The following CDR2 variants were observed in gnomAD, a reference collection of about 807,000 sequenced individuals.
CDR2 encodes the protein cerebellar degeneration related protein 2.
In CDR2, 34 loss-of-function variants were observed where a neutral mutation model predicts 48.4. The observed-to-expected ratio is 0.70, with a 90% confidence interval of 0.53 to 0.94. CDR2 has a LOEUF of 0.94. Ranked by LOEUF, CDR2 falls within the 40% of genes least tolerant of loss-of-function variation. The pLI is 0.00. For missense variants in CDR2, 498 were observed against 549.5 expected (o/e 0.91, Z 0.94); for synonymous variants, 240 against 219.7 (o/e 1.09, Z -0.82).
Position 22,346,079 on chromosome 16 carries a change from T to C in CDR2, c.*886A>G, listed in dbSNP as rs1336578922. On this transcript the variant is annotated 3_prime_UTR_variant, in exon 5 of 5. Transcript: ENST00000268383. ...GATCAATACTGCTTAATAAAGTAGA[T>C]AGGAATTTCTGCAACAAGTCAAAAC... is the stretch of plus-strand genomic sequence containing the variant. The C allele has an allele frequency of 2.0e-5, 3 of 152,588 alleles. No individual in the cohort carries two copies. Among genetic ancestry groups the C allele is most frequent in the Admixed American group, 6.5e-5 (1 of 15,282 alleles). The allele number at this position is 152,588 out of a possible 1,614,324, so 9.5% of individuals were successfully genotyped here. A position where few individuals can be genotyped will look rare whatever the true frequency, so the allele number is the denominator to read the frequency against.
rs747406634 is a variant in CDR2, at chr16:22,347,799, G to A, written c.531C>T (p.Phe177=). 13 of 1,613,184 alleles carry A rather than the reference G, an allele frequency of 8.1e-6. No individual in the cohort carries two copies. The East Asian group carries it at 8.9e-5, about 11-fold the overall frequency. The change falls in exon 5 of 5, where the codon TTC becomes TTT. Residue 177 remains phenylalanine, a synonymous_variant. Transcript: ENST00000268383. Reference sequence around the variant, plus strand: ...CTTGCAAGGAAGTGATCTTCTCAGCGAACACATGATCATACACGAAGTGTC... The same window carrying A: ...CTTGCAAGGAAGTGATCTTCTCAGCAAACACATGATCATACACGAAGTGTC... ...LRQHFVYDHV[F]AEKITSLQGQ... is the part of the protein sequence containing the mutation.
chr16:22,368,724 A>G (rs1223511989), intron 1 of CDR2: 2 of 152,240 alleles, frequency 1.3e-5, no homozygotes, highest in African/African-American at 4.8e-5. Flanking sequence ...TTTTAAGGCA[A>G]TTGAAAGAGA....
chr16:22,357,293 C>T (rs1053951379), intron 2 of CDR2, among the ~76,000 whole-genome samples: 3 of 152,174 alleles, frequency 2.0e-5, no homozygotes, highest in African/African-American at 4.8e-5. Context: ...AGGAGATCCA[C>T]CTGACTCGGC....
intron 1 of CDR2, among the ~76,000 whole-genome samples, chr16:22,371,382 T>A (rs2049074659): frequency 6.6e-6 from 1 of 152,178 alleles, no homozygotes; most frequent in Non-Finnish European, 1.5e-5. Flanking sequence ...AGCAAGTGTC[T>A]ACTGAGGGCC....
chr16:22,362,954 CTTT>C (rs1278079544), intron 2 of CDR2, among the ~76,000 whole-genome samples: 6 of 137,760 alleles, frequency 4.4e-5, no homozygotes, highest in Admixed American at 1.5e-4. Flanking sequence ...TACAGTAGGT[CTTT>C]TTTTTTTTTT....
chr16:22,371,846 A>ATATG (rs1462437266), intron 1 of CDR2, among the ~76,000 whole-genome samples: 1 of 78,770 alleles, frequency 1.3e-5, no homozygotes, highest in Non-Finnish European at 2.5e-5. Context: ...AGAGGTTCAG[A>ATATG]TATGTGTGTG....
chr16:22,372,564 G>A (rs1031368980), intron 1 of CDR2, among the ~76,000 whole-genome samples: 4 of 152,326 alleles, frequency 2.6e-5, no homozygotes, highest in Non-Finnish European at 2.9e-5. Context: ...AAATTATAGG[G>A]AAGTACTGCA....
intron 2 of CDR2, among the ~76,000 whole-genome samples, chr16:22,357,743 G>A (rs1854337909): frequency 6.6e-6 from 1 of 152,122 alleles, no homozygotes. Context: ...TTAGAGTTGT[G>A]GCCAACATAC....
chr16:22,350,240 C>A (rs759119337), intron 2 of CDR2, among the ~76,000 whole-genome samples: 1 of 152,114 alleles, frequency 6.6e-6, no homozygotes, highest in East Asian at 1.9e-4. Flanking sequence ...ACCAATTCTC[C>A]GATTGTCAGC....
intron 2 of CDR2, among the ~76,000 whole-genome samples, chr16:22,359,369 C>T (rs1205176200): frequency 6.6e-6 from 1 of 152,124 alleles, no homozygotes; most frequent in Non-Finnish European, 1.5e-5. Flanking sequence ...TCGTGATCTA[C>T]CTGCCTCAGC....
At chr16:22,354,583 G>T (rs2048961151) in intron 2 of CDR2, among the ~76,000 whole-genome samples, 1 of 152,110 alleles carries the variant, frequency 6.6e-6, no homozygotes, top group African/African-American at 2.4e-5. Flanking sequence ...CTTATCCACT[G>T]CATTTTAAAA....
rs768105551 is a variant in CDR2 at position 22,364,848 on chromosome 16, T to C, written c.192+54A>G. 4 of 1,027,534 alleles carry C rather than the reference T, an allele frequency of 3.9e-6. No homozygotes were observed. In the South Asian group the frequency reaches 4.0e-5, roughly 10 times the overall value. The allele number at this position is 1,027,534 out of a possible 1,614,324, so 63.7% of individuals were successfully genotyped here. ...CTTTTTTACCAGTATGTGATTGGCATAACAGCAACACATCGAAGTGTCAAA... is the reference window on the plus strand; with the variant it reads ...CTTTTTTACCAGTATGTGATTGGCACAACAGCAACACATCGAAGTGTCAAA... On this transcript the variant is annotated intron_variant, in intron 2 of 4. Transcript: ENST00000268383.
intron 2 of CDR2, among the ~76,000 whole-genome samples, chr16:22,364,052 CCT>C (rs1208051487): frequency 5.9e-5 from 9 of 152,140 alleles, no homozygotes; most frequent in Admixed American, 3.9e-4. Flanking sequence ...GATTCTTCCA[CCT>C]CTGTCTCCCA....
intron 1 of CDR2, 54 bp from the exon 2 acceptor site, chr16:22,365,068 T>C (rs2049036559): frequency 8.8e-7 from 1 of 1,141,994 alleles, no homozygotes; most frequent in East Asian, 2.3e-5. Context: ...ATCAACAATT[T>C]ATATAACCCA....
chr16:22,374,128 A>ACCTGCATCCTCCGCCG, intron 1 of CDR2, 103 bp downstream of exon 1: 2 of 721,328 alleles, frequency 2.8e-6, no homozygotes, highest in South Asian at 3.2e-5. Flanking sequence ...CCTTCCCGGC[A>ACCTGCATCCTCCGCCG]CCTGCATCCT....
chr16:22,353,485 G>A (rs1028206126), intron 2 of CDR2, among the ~76,000 whole-genome samples: 2 of 152,096 alleles, frequency 1.3e-5, no homozygotes, highest in African/African-American at 4.8e-5. Context: ...GGGAGAGACT[G>A]GACTATGTCA....
At chr16:22,365,765 A>G (rs184576419) in intron 1 of CDR2, among the ~76,000 whole-genome samples, 17 of 152,364 alleles carry the variant, frequency 1.1e-4, no homozygotes, top group Non-Finnish European at 2.1e-4. Flanking sequence ...AATTTAGTTA[A>G]CAATATAAGA....
chr16:22,362,330 T>C lies in CDR2; in HGVS notation c.192+2572A>G, dbSNP rs1453748233. ...TAGATTTAGAGAATCTCAGATATCTTTGGATACTTTCAGAATACCAATGAT... is the reference window on the plus strand; with the variant it reads ...TAGATTTAGAGAATCTCAGATATCTCTGGATACTTTCAGAATACCAATGAT... On this transcript the variant is annotated intron_variant, in intron 2 of 4. Transcript: ENST00000268383. Among the ~76,000 whole-genome samples, 5 of 152,350 alleles carry C rather than the reference T, an allele frequency of 3.3e-5. No homozygotes were observed. In the East Asian group the frequency reaches 5.8e-4, roughly 18 times the overall value.
chr16:22,363,140 C>T (rs1173194304), intron 2 of CDR2, among the ~76,000 whole-genome samples: 1 of 151,714 alleles, frequency 6.6e-6, no homozygotes, highest in East Asian at 1.9e-4. Flanking sequence ...CAAAGTTTCA[C>T]CACATTGGCC....
Sources: allele counts gnomAD v4.1 joint callset (sites outside exome capture counted in the v4.1 genomes callset), GRCh38; gene constraint gnomAD v4.1.1; transcripts MANE v1.5; gene names NCBI Gene and HGNC (gene_info 2026-07-23, HGNC 2026-07-21).